Variants in PDE4C observed in about 807,000 individuals in gnomAD.
PDE4C encodes phosphodiesterase 4C.
PDE4C carries 50 observed loss-of-function variants against 63.9 expected under a neutral mutation model. That is an observed-to-expected ratio of 0.78 (90% confidence interval 0.62 to 0.99). The LOEUF is 0.99. Ranked by LOEUF, PDE4C falls within the 50% of genes least tolerant of loss-of-function variation. The probability of loss-of-function intolerance (pLI) is 0.00; values close to 1 mark genes in which losing one functional copy is unlikely to be tolerated. For missense variants in PDE4C, 777 were observed against 899.1 expected, an observed-to-expected ratio of 0.86 and a Z score of 1.74; for synonymous variants, 377 against 385.1, an observed-to-expected ratio of 0.98 and a Z score of 0.25.
chr19:18,246,268 C>T (rs1331855659), intron 1 of PDE4C, among the ~76,000 whole-genome samples: 3 of 150,602 alleles, frequency 2.0e-5, no homozygotes, highest in African/African-American at 4.9e-5. Flanking sequence ...ACTGCAGCCT[C>T]GACCTCCCGT....
At chr19:18,254,211 T>C in the PDE4C span, among the ~76,000 whole-genome samples, 6 of 152,144 alleles carry the variant, frequency 3.9e-5, no homozygotes, top group Non-Finnish European at 8.8e-5. Context: ...AGAACGCCCC[T>C]CAAGGACCCT....
At chr19:18,227,515 G>A (rs189921571), upstream of PDE4C, among the ~76,000 whole-genome samples, 5 of 151,918 alleles carry the variant, frequency 3.3e-5, no homozygotes, top group African/African-American at 9.7e-5. Context: ...TCCCAGGACT[G>A]GGGGGGGCCT....
chr19:18,218,385 G>A (rs368488869), exon 10 of PDE4C: 15 of 1,614,244 alleles, frequency 9.3e-6, no homozygotes, highest in East Asian at 2.2e-5. Context: ...CCACGTCGGC[G>A]GCATGTAGGC....
At chr19:18,252,134 G>T (rs751200249), upstream of PDE4C, 46 of 399,232 alleles carry the variant, frequency 1.2e-4, no homozygotes, top group Admixed American at 2.2e-4. Flanking sequence ...GGGAAGTGGG[G>T]CTCCAGTGCG....
chr19:18,223,853 G>T (rs1426229766), intron 1 of PDE4C, among the ~76,000 whole-genome samples: 1 of 152,148 alleles, frequency 6.6e-6, no homozygotes, highest in Non-Finnish European at 1.5e-5. Flanking sequence ...TCCTGCGTGC[G>T]CCTTAGTCTA....
intron 1 of PDE4C, among the ~76,000 whole-genome samples, chr19:18,241,716 A>T (rs1382530640): frequency 6.6e-6 from 1 of 151,684 alleles, no homozygotes; most frequent in Non-Finnish European, 1.5e-5. Flanking sequence ...CTCCCAGCTA[A>T]TTTTTGTATT....
At chr19:18,221,599 G>A (rs1217922542) in intron 2 of PDE4C, among the ~76,000 whole-genome samples, 1 of 147,986 alleles carries the variant, frequency 6.8e-6, no homozygotes, top group African/African-American at 2.5e-5. Context: ...CTGCTAATTG[G>A]CCTTAATGGT....
chr19:18,252,826 C>G (rs1027960037), upstream of PDE4C, among the ~76,000 whole-genome samples: 1 of 152,186 alleles, frequency 6.6e-6, no homozygotes, highest in Non-Finnish European at 1.5e-5. Flanking sequence ...AGATTTGTCT[C>G]GAACTTCTGA....
intron 1 of PDE4C, chr19:18,232,847 A>C: frequency 7.7e-7 from 1 of 1,292,986 alleles, no homozygotes; most frequent in Non-Finnish European, 1.0e-6. Context: ...ACCAAGCAGC[A>C]GAGACCCCCG....
At chr19:18,217,789 C>G (rs771036991) in intron 11 of PDE4C, among the ~76,000 whole-genome samples, 1 of 151,890 alleles carries the variant, frequency 6.6e-6, no homozygotes, top group Non-Finnish European at 1.5e-5. Context: ...CCCAGCTACT[C>G]GGGAGGCTGA....
At chr19:18,213,794 G>A (rs1968074769) in intron 12 of PDE4C, among the ~76,000 whole-genome samples, 1 of 152,178 alleles carries the variant, frequency 6.6e-6, no homozygotes, top group Non-Finnish European at 1.5e-5. Flanking sequence ...CACAGTGGGT[G>A]GGCATTGTAG....
At chr19:18,227,244 G>A (rs1443177465), upstream of PDE4C, among the ~76,000 whole-genome samples, 6 of 152,116 alleles carry the variant, frequency 3.9e-5, no homozygotes, top group East Asian at 1.2e-3. Flanking sequence ...GGGAAACTGA[G>A]GCTTCCATGG....
At chr19:18,227,037 A>T (rs139416389), upstream of PDE4C, among the ~76,000 whole-genome samples, 71 of 151,856 alleles carry the variant, frequency 4.7e-4, no homozygotes, top group Middle Eastern at 0.01. Context: ...TGAGGGAGTC[A>T]GAAAGCAAGG....
upstream of PDE4C, among the ~76,000 whole-genome samples, chr19:18,251,516 C>T (rs1372226375): frequency 2.6e-5 from 4 of 152,010 alleles, no homozygotes; most frequent in African/African-American, 9.7e-5. Context: ...CTCACTGCAA[C>T]CTCTGCCGCC....
exon 2 of PDE4C, chr19:18,222,198 C>A: frequency 1.2e-6 from 2 of 1,614,050 alleles, no homozygotes; most frequent in African/African-American, 1.3e-5. Context: ...GCTATCTGAG[C>A]GGTACAGGAA....
exon 15 of PDE4C, chr19:18,210,860 G>C (rs1967890556): frequency 6.6e-7 from 1 of 1,513,034 alleles, no homozygotes. Context: ...CCTCTTCCTG[G>C]AAAGTCTGCC....
chr19:18,253,407 G>T, the PDE4C span, among the ~76,000 whole-genome samples: 1,014 of 152,110 alleles, frequency 6.7e-3, 17 homozygotes, highest in African/African-American at 0.023. Flanking sequence ...ACAAAAATTA[G>T]CCAGGCATGG....
upstream of PDE4C, among the ~76,000 whole-genome samples, chr19:18,236,401 T>A (rs1174386043): frequency 6.6e-6 from 1 of 152,064 alleles, no homozygotes; most frequent in Non-Finnish European, 1.5e-5. Context: ...TTTTGTATTT[T>A]TACTAGAGAC....
At chr19:18,224,502 G>C (rs1363732265) in intron 1 of PDE4C, 1 of 985,522 alleles carries the variant, frequency 1.0e-6, no homozygotes, top group Non-Finnish European at 1.2e-6. Flanking sequence ...AATTGGACTT[G>C]GTCACGAAGA....
Sources: allele counts gnomAD v4.1 joint callset (sites outside exome capture counted in the v4.1 genomes callset), GRCh38; gene constraint gnomAD v4.1.1; transcripts MANE v1.5; gene names NCBI Gene and HGNC (gene_info 2026-07-23, HGNC 2026-07-21).